ESR1: variants seen among roughly 807,000 people sequenced by gnomAD.
The protein encoded by ESR1 is estrogen receptor 1, also known as estrogen receptor.
ESR1 carries 12 observed loss-of-function variants against 52.7 expected under a neutral mutation model. The observed-to-expected ratio is 0.23, with a 90% CI of 0.15 to 0.37. The LOEUF is 0.37. Ranked by LOEUF, ESR1 falls within the 10% of genes least tolerant of loss-of-function variation. ESR1 has a pLI of 1.00. For missense variants in ESR1, 584 were observed against 779.7 expected (o/e 0.75, Z 2.99); for synonymous variants, 305 against 316.8 (o/e 0.96, Z 0.39).
intron 4 of ESR1, 86 bp from the exon 5 acceptor site, chr6:152,011,570 G>A (rs2042769259): frequency 6.7e-7 from 1 of 1,484,300 alleles, no homozygotes; most frequent in East Asian, 2.3e-5. Flanking sequence ...AATAGACCTT[G>A]TCAGTTCAAA....
rs1036278513 is a variant in ESR1, at chr6:151,956,803, T to A, written c.1096+12295T>A. ...ATGTCTGTATACATACATATATATGTAAATATAAATATATATAAAAATATA... is the reference window on the plus strand; with the variant it reads ...ATGTCTGTATACATACATATATATGAAAATATAAATATATATAAAAATATA... On this transcript the variant is annotated intron_variant, in intron 4 of 7. Coordinates refer to ENST00000206249, the MANE Select transcript of ESR1 (RefSeq NM_000125.4). 5.8e-3 allele frequency among the ~76,000 whole-genome samples: 804 copies of A among 138,818 alleles called. 12 individuals are homozygous for A. The highest frequency in any genetic ancestry group is 0.021 in the African/African-American group (774 of 37,752). 91.1% of individuals were successfully genotyped at this position (138,818 alleles called of 152,430 possible).
rs566405705 is a variant in ESR1, at chr6:151,869,113, C to T, written c.644-11542C>T. On this transcript the variant is annotated intron_variant, in intron 2 of 7. Coordinates refer to ENST00000206249, the MANE Select transcript of ESR1 (RefSeq NM_000125.4). ...TCCTGTTCAGGGTTCTGAGTTTTACCCTCTTGCTCTGATTGCGAGATCATT... is the reference window on the plus strand; with the variant it reads ...TCCTGTTCAGGGTTCTGAGTTTTACTCTCTTGCTCTGATTGCGAGATCATT... Among the ~76,000 whole-genome samples the T allele has an allele frequency of 3.9e-5, 6 of 152,266 alleles. No individual in the cohort carries two copies. The East Asian group carries it at 1.2e-3, about 29-fold the overall frequency.
At chr6:152,000,397 A>G (rs2041854065) in intron 4 of ESR1, among the ~76,000 whole-genome samples, 1 of 152,058 alleles carries the variant, frequency 6.6e-6, no homozygotes, top group African/African-American at 2.4e-5. Flanking sequence ...TATTCTACAT[A>G]GAAAAACTTA....
intron 2 of ESR1, among the ~76,000 whole-genome samples, chr6:151,763,145 T>C (rs1175134936): frequency 6.6e-6 from 1 of 152,180 alleles, no homozygotes; most frequent in African/African-American, 2.4e-5. Flanking sequence ...CCTTATATGT[T>C]GTGTAATATC....
At chr6:152,119,199 C>T (rs1311139712) in intron 6 of ESR1, among the ~76,000 whole-genome samples, 1 of 151,996 alleles carries the variant, frequency 6.6e-6, no homozygotes, top group African/African-American at 2.4e-5. Flanking sequence ...AATATTTGGC[C>T]CTGGGGTGTA....
intron 2 of ESR1, among the ~76,000 whole-genome samples, chr6:151,850,027 ATTATATATATATATAATTT>A (rs1786122627): frequency 1.5e-5 from 1 of 68,766 alleles, no homozygotes; most frequent in African/African-American, 6.0e-5. Flanking sequence ...TATATACAAA[ATTATATATATATATAATTT>A]TATATATATA....
intron 2 of ESR1, among the ~76,000 whole-genome samples, chr6:151,735,919 T>C (rs1187880136): frequency 6.6e-6 from 1 of 152,174 alleles, no homozygotes; most frequent in Non-Finnish European, 1.5e-5. Flanking sequence ...GATGTTTTTA[T>C]AAGTGTTTGA....
chr6:152,087,514 C>T (rs9322355), intron 6 of ESR1, among the ~76,000 whole-genome samples: 17,148 of 152,064 alleles, frequency 0.11, 1,188 homozygotes, highest in East Asian at 0.33. Context: ...GCTGGGTCCA[C>T]GAACATGTTG....
chr6:151,928,880 C>A (rs2033170711), intron 3 of ESR1, among the ~76,000 whole-genome samples: 2 of 151,952 alleles, frequency 1.3e-5, no homozygotes, highest in Admixed American at 1.3e-4. Flanking sequence ...AGCTATCTTT[C>A]TGTTGATTTC....
chr6:152,039,528 C>T lies in ESR1; in HGVS notation c.1236-21463C>T, dbSNP rs117883284. 2.2e-4 allele frequency among the ~76,000 whole-genome samples: 34 copies of T among 152,178 alleles called. No homozygotes were observed. The East Asian group carries it at 5.4e-3, about 24-fold the overall frequency. Reference sequence around the variant, plus strand: ...TGTGTCTCCTGGTGGCAACATTCATCGCCCTGGAACTGAGACTTCTAGGCC... The same window carrying T: ...TGTGTCTCCTGGTGGCAACATTCATTGCCCTGGAACTGAGACTTCTAGGCC... On this transcript the variant is annotated intron_variant, in intron 5 of 7. Transcript: ENST00000206249.
chr6:152,011,596 T>C (rs2128777417), intron 4 of ESR1, 60 bp from the exon 5 acceptor site: 1 of 1,605,096 alleles, frequency 6.2e-7, no homozygotes, highest in African/African-American at 1.3e-5. Flanking sequence ...GTTGCATTAA[T>C]TTCACCAGTA....
At chr6:152,082,004 T>C (rs151141187) in intron 6 of ESR1, among the ~76,000 whole-genome samples, 1 of 152,144 alleles carries the variant, frequency 6.6e-6, no homozygotes, top group South Asian at 2.1e-4. Context: ...CAGGACCAGA[T>C]GGATTCACAG....
At chr6:151,748,500 C>CTG (rs1783652528) in intron 2 of ESR1, among the ~76,000 whole-genome samples, 1 of 152,132 alleles carries the variant, frequency 6.6e-6, no homozygotes, top group Non-Finnish European at 1.5e-5. Context: ...TAATGAAGGG[C>CTG]ATTTTGGTTG....
chr6:151,973,697 C>T (rs1024961044), intron 4 of ESR1, among the ~76,000 whole-genome samples: 1 of 152,114 alleles, frequency 6.6e-6, no homozygotes, highest in Non-Finnish European at 1.5e-5. Flanking sequence ...CTTCCAGAAG[C>T]AGAACACAAT....
chr6:152,048,097 G>A (rs897663579), intron 5 of ESR1, among the ~76,000 whole-genome samples: 2 of 151,560 alleles, frequency 1.3e-5, no homozygotes, highest in Non-Finnish European at 2.9e-5. Flanking sequence ...TCGGCCTGGC[G>A]CGGTGGCTCA....
chr6:152,024,286 A>T lies in ESR1; in HGVS notation c.1235+12492A>T, dbSNP rs1468150633. ...ATAGCTTTGTTTATAGAAGGTGCAC[A>T]TTGTTTTAATTCTGGCCATGCTATC... On this transcript the variant is annotated intron_variant, in intron 5 of 7. Coordinates refer to ENST00000206249, the MANE Select transcript of ESR1 (RefSeq NM_000125.4). 2.0e-5 allele frequency among the ~76,000 whole-genome samples: 3 copies of T among 152,164 alleles called. No homozygotes were observed. In the East Asian group the frequency reaches 5.8e-4, roughly 29 times the overall value.
rs1242291695 is a variant in ESR1, at chr6:152,035,168, T to C, written c.1235+23374T>C. 2.0e-5 allele frequency among the ~76,000 whole-genome samples: 3 copies of C among 152,264 alleles called. No individual in the cohort carries two copies. In the East Asian group the frequency reaches 5.8e-4, roughly 29 times the overall value. On this transcript the variant is annotated intron_variant, in intron 5 of 7. Coordinates refer to ENST00000206249, the MANE Select transcript of ESR1 (RefSeq NM_000125.4). The stretch of plus-strand genomic sequence containing the variant: ...TTTAAAACATTCTTAGATAAGAACT[T>C]CCTTTGTTATTTTGCTAATATACAA...
chr6:151,685,177 A>ACTGCG (rs1778614374), intron 1 of ESR1, among the ~76,000 whole-genome samples: 2 of 119,410 alleles, frequency 1.7e-5, no homozygotes, highest in Non-Finnish European at 3.2e-5. Flanking sequence ...CCCAGGCCGG[A>ACTGCG]CTGCGGACTG....
intron 6 of ESR1, among the ~76,000 whole-genome samples, chr6:152,112,022 G>C (rs866142153): frequency 6.6e-6 from 1 of 152,206 alleles, no homozygotes; most frequent in African/African-American, 2.4e-5. Flanking sequence ...AAAGAAACGT[G>C]TATAAAGAAA....
Sources: allele counts gnomAD v4.1 joint callset (sites outside exome capture counted in the v4.1 genomes callset), GRCh38; gene constraint gnomAD v4.1.1; transcripts MANE v1.5; gene names NCBI Gene and HGNC (gene_info 2026-07-23, HGNC 2026-07-21).